Variants in ESRRB observed in about 807,000 individuals in gnomAD.
The protein encoded by ESRRB is steroid hormone receptor ERR2.
In ESRRB, 16 loss-of-function variants were observed where a neutral mutation model predicts 46.0. That is an observed-to-expected ratio of 0.35 (90% CI 0.24 to 0.53). ESRRB has a LOEUF of 0.53. Ranked by LOEUF, ESRRB falls within the 20% of genes least tolerant of loss-of-function variation. The probability of loss-of-function intolerance (pLI) is 0.93; values close to 1 mark genes in which losing one functional copy is unlikely to be tolerated. For missense variants in ESRRB, 488 were observed against 607.4 expected (o/e 0.80, Z 2.07); for synonymous variants, 246 against 259.6 (o/e 0.95, Z 0.50).
chr14:76,332,668 A>C (rs1240148217), intron 1 of ESRRB, among the ~76,000 whole-genome samples: 1 of 41,974 alleles, frequency 2.4e-5, no homozygotes, highest in Non-Finnish European at 3.9e-5. Context: ...TATATTATAT[A>C]TATTTATATA....
intron 1 of ESRRB, among the ~76,000 whole-genome samples, chr14:76,353,158 A>T (rs1884335077): frequency 6.6e-6 from 1 of 152,162 alleles, no homozygotes; most frequent in South Asian, 2.1e-4. Context: ...AGAGTCCGGG[A>T]GTTGAAACAG....
intron 1 of ESRRB, among the ~76,000 whole-genome samples, chr14:76,412,623 G>C (rs1886492845): frequency 6.6e-6 from 1 of 152,134 alleles, no homozygotes; most frequent in African/African-American, 2.4e-5. Context: ...GTTTTGAAGG[G>C]ACCAGAATAC....
At chr14:76,474,711 T>C (rs1335198276) in intron 3 of ESRRB, among the ~76,000 whole-genome samples, 1 of 152,090 alleles carries the variant, frequency 6.6e-6, no homozygotes, top group South Asian at 2.1e-4. Flanking sequence ...TGTGGTGGCA[T>C]GTACCCATAA....
intron 3 of ESRRB, among the ~76,000 whole-genome samples, chr14:76,462,972 A>G (rs1888936156): frequency 6.6e-6 from 1 of 152,200 alleles, no homozygotes; most frequent in Admixed American, 6.5e-5. Context: ...TAGGAGGGGT[A>G]GGCTTAAGAG....
At chr14:76,492,740 T>C (rs934676639) in intron 6 of ESRRB, among the ~76,000 whole-genome samples, 6 of 152,194 alleles carry the variant, frequency 3.9e-5, no homozygotes, top group African/African-American at 1.4e-4. Context: ...ACTGAGTGGT[T>C]TAAGCTGGAG....
Position 76,399,973 on chromosome 14 carries a change from C to T in ESRRB, c.50+23522C>T, listed in dbSNP as rs185875838. Among the ~76,000 whole-genome samples the T allele has an allele frequency of 5.9e-5, 9 of 152,274 alleles. No homozygotes were observed. The East Asian group carries it at 1.4e-3, about 23-fold the overall frequency. ...GGTCAGGCTCAGTCCCTGATCCATGCGGAATAAATAATGGCCCAGCAAGAT... is the reference window on the plus strand; with the variant it reads ...GGTCAGGCTCAGTCCCTGATCCATGTGGAATAAATAATGGCCCAGCAAGAT... On this transcript the variant is annotated intron_variant, in intron 1 of 6. Transcript: ENST00000644823.
At chr14:76,421,119 C>G (rs768733616) in intron 1 of ESRRB, among the ~76,000 whole-genome samples, 5 of 152,222 alleles carry the variant, frequency 3.3e-5, no homozygotes, top group Non-Finnish European at 7.3e-5. Flanking sequence ...GCCCCTCCTC[C>G]CAGCCTGGAT....
At chr14:76,465,601 G>C (rs1195916872) in intron 3 of ESRRB, among the ~76,000 whole-genome samples, 4 of 152,156 alleles carry the variant, frequency 2.6e-5, no homozygotes, top group Non-Finnish European at 4.4e-5. Flanking sequence ...AAGTGGGGAG[G>C]ATGTTCAGGG....
At chr14:76,446,787 T>C (rs1036460958) in intron 2 of ESRRB, among the ~76,000 whole-genome samples, 1 of 152,186 alleles carries the variant, frequency 6.6e-6, no homozygotes, top group African/African-American at 2.4e-5. Flanking sequence ...GTGCTCTCTT[T>C]GCATGGCATC....
chr14:76,356,266 G>A (rs1039498594), intron 1 of ESRRB, among the ~76,000 whole-genome samples: 1 of 152,214 alleles, frequency 6.6e-6, no homozygotes, highest in Non-Finnish European at 1.5e-5. Context: ...TGTGTCTACA[G>A]CAAAGCATTG....
chr14:76,397,920 C>T (rs1885765300), intron 1 of ESRRB, among the ~76,000 whole-genome samples: 1 of 152,240 alleles, frequency 6.6e-6, no homozygotes, highest in South Asian at 2.1e-4. Context: ...GATACAACAG[C>T]AGCCAGGGGC....
chr14:76,410,527 G>C (rs1886390092), intron 1 of ESRRB, among the ~76,000 whole-genome samples: 1 of 152,056 alleles, frequency 6.6e-6, no homozygotes, highest in Non-Finnish European at 1.5e-5. Flanking sequence ...ATCCCTCCAA[G>C]AAACCTGCAG....
At chr14:76,319,735 A>C (rs992999784) in intron 1 of ESRRB, among the ~76,000 whole-genome samples, 3 of 152,150 alleles carry the variant, frequency 2.0e-5, no homozygotes, top group Non-Finnish European at 4.4e-5. Flanking sequence ...TAGTAGAAAC[A>C]TGGTTGGTGG....
chr14:76,343,300 G>A (rs567003018), intron 1 of ESRRB, among the ~76,000 whole-genome samples: 20 of 152,330 alleles, frequency 1.3e-4, no homozygotes, highest in African/African-American at 3.8e-4. Flanking sequence ...TAAAGTCATG[G>A]GATGGTTTTA....
At chr14:76,486,468 C>T (rs1890023491) in intron 5 of ESRRB, among the ~76,000 whole-genome samples, 1 of 152,186 alleles carries the variant, frequency 6.6e-6, no homozygotes, top group Non-Finnish European at 1.5e-5. Context: ...AATTACATCT[C>T]CCTTTATTAC....
At chr14:76,433,257 C>A (rs987953089) in intron 1 of ESRRB, among the ~76,000 whole-genome samples, 2 of 152,118 alleles carry the variant, frequency 1.3e-5, no homozygotes, top group Admixed American at 1.3e-4. Flanking sequence ...AAAGCTGACA[C>A]GTATTTTGTG....
At chr14:76,490,267 G>A (rs1459719983) in intron 5 of ESRRB, among the ~76,000 whole-genome samples, 2 of 152,194 alleles carry the variant, frequency 1.3e-5, no homozygotes, top group South Asian at 2.1e-4. Context: ...CTTGTGTTTG[G>A]TGGTTAAGAT....
At chr14:76,359,573 G>A (rs1440623425) in intron 1 of ESRRB, among the ~76,000 whole-genome samples, 4 of 152,156 alleles carry the variant, frequency 2.6e-5, no homozygotes, top group Non-Finnish European at 4.4e-5. Flanking sequence ...CGATACATGG[G>A]GGAGTCAGGG....
intron 1 of ESRRB, among the ~76,000 whole-genome samples, chr14:76,339,347 A>T (rs1884163801): frequency 2.0e-5 from 3 of 152,088 alleles, no homozygotes. Context: ...ACTTTGTAGG[A>T]TTTGTTGTGA....
Sources: allele counts gnomAD v4.1 joint callset (sites outside exome capture counted in the v4.1 genomes callset), GRCh38; gene constraint gnomAD v4.1.1; transcripts MANE v1.5; gene names NCBI Gene and HGNC (gene_info 2026-07-23, HGNC 2026-07-21).